ST18: variants seen among roughly 807,000 people sequenced by gnomAD.
ST18 encodes the protein suppression of tumorigenicity 18 protein.
ST18 carries 50 observed loss-of-function variants against 110.0 expected under a neutral mutation model. That is an observed-to-expected ratio of 0.45 (90% CI 0.36 to 0.58). The LOEUF is 0.58. ST18 is among the 20% of genes least tolerant of loss of function. The pLI is 0.00. For missense variants in ST18, 1,306 were observed against 1,280.1 expected, an observed-to-expected ratio of 1.02 and a Z score of -0.31; for synonymous variants, 461 against 452.4, an observed-to-expected ratio of 1.02 and a Z score of -0.24.
chr8:52,380,102 A>G (rs1833953117), intron 2 of ST18, among the ~76,000 whole-genome samples: 1 of 152,088 alleles, frequency 6.6e-6, no homozygotes, highest in African/African-American at 2.4e-5. Context: ...GTGATCCTGG[A>G]AGAGCTCCCA....
chr8:52,167,754 CAGCGG>C (rs2063495647), intron 10 of ST18, among the ~76,000 whole-genome samples: 2 of 152,118 alleles, frequency 1.3e-5, no homozygotes, highest in Middle Eastern at 3.2e-3. Context: ...GGCCACCGAG[CAGCGG>C]TCCAGAGAGC....
intron 2 of ST18, among the ~76,000 whole-genome samples, chr8:52,390,180 T>C (rs929121116): frequency 1.3e-5 from 2 of 152,162 alleles, no homozygotes; most frequent in Non-Finnish European, 2.9e-5. Flanking sequence ...TGAACTCTGA[T>C]GTGGAGTCAA....
intron 2 of ST18, among the ~76,000 whole-genome samples, chr8:52,390,481 A>G (rs1004320831): frequency 1.3e-5 from 2 of 152,256 alleles, no homozygotes; most frequent in African/African-American, 4.8e-5. Context: ...CAACAGAATC[A>G]GGAAATATTT....
intron 2 of ST18, among the ~76,000 whole-genome samples, chr8:52,310,922 G>T (rs1246154655): frequency 6.6e-6 from 1 of 152,182 alleles, no homozygotes; most frequent in African/African-American, 2.4e-5. Context: ...GGAAGCTGTG[G>T]CAGCAGTCAC....
At chr8:52,122,976 C>A (rs576029641) in intron 23 of ST18, among the ~76,000 whole-genome samples, 1 of 152,032 alleles carries the variant, frequency 6.6e-6, no homozygotes. Context: ...CTAGAAGGAG[C>A]TCCTAAATGC....
intron 2 of ST18, among the ~76,000 whole-genome samples, chr8:52,260,951 T>G (rs974337157): frequency 3.3e-5 from 5 of 152,162 alleles, no homozygotes; most frequent in African/African-American, 1.2e-4. Context: ...GTGTTTGAAA[T>G]AAGTGTCTTC....
At chr8:52,362,327 G>C (rs1826063357) in intron 2 of ST18, among the ~76,000 whole-genome samples, 1 of 152,166 alleles carries the variant, frequency 6.6e-6, no homozygotes, top group South Asian at 2.1e-4. Context: ...AATTTTGCCA[G>C]GAATCAAATC....
intron 7 of ST18, among the ~76,000 whole-genome samples, chr8:52,213,899 G>T (rs939398408): frequency 2.0e-5 from 3 of 152,164 alleles, no homozygotes; most frequent in East Asian, 1.9e-4. Flanking sequence ...TAATTTGAAA[G>T]TTTCCATGAA....
intron 8 of ST18, among the ~76,000 whole-genome samples, chr8:52,186,256 C>T (rs777777786): frequency 1.3e-5 from 2 of 152,142 alleles, no homozygotes; most frequent in Admixed American, 6.6e-5. Context: ...AATTTTAAAC[C>T]TAGGCAAAGT....
chr8:52,394,185 C>A (rs545209868), intron 2 of ST18, among the ~76,000 whole-genome samples: 45 of 152,278 alleles, frequency 3.0e-4, no homozygotes, highest in African/African-American at 1.0e-3. Context: ...AGGAGCCATC[C>A]CAAGTTGTCA....
intron 19 of ST18, among the ~76,000 whole-genome samples, chr8:52,136,155 G>C (rs2052167957): frequency 6.6e-6 from 1 of 152,152 alleles, no homozygotes; most frequent in South Asian, 2.1e-4. Context: ...GCAGGAATGA[G>C]CCCAAACTCT....
intron 8 of ST18, among the ~76,000 whole-genome samples, chr8:52,195,301 T>C (rs921918205): frequency 6.6e-6 from 1 of 152,214 alleles, no homozygotes; most frequent in Non-Finnish European, 1.5e-5. Flanking sequence ...TTATTACTAT[T>C]TTTGTTTGCT....
intron 2 of ST18, among the ~76,000 whole-genome samples, chr8:52,352,402 T>C (rs1820778200): frequency 6.6e-6 from 1 of 152,198 alleles, no homozygotes; most frequent in Non-Finnish European, 1.5e-5. Flanking sequence ...GTGCCTTTTT[T>C]GAAACTAGCT....
intron 2 of ST18, among the ~76,000 whole-genome samples, chr8:52,239,617 C>CA (rs1176283544): frequency 6.6e-6 from 1 of 151,704 alleles, no homozygotes; most frequent in Non-Finnish European, 1.5e-5. Context: ...ACCAAAAAAA[C>CA]AAAAAGCCAC....
At chr8:52,212,958 G>A (rs568016406) in intron 7 of ST18, among the ~76,000 whole-genome samples, 61 of 152,282 alleles carry the variant, frequency 4.0e-4, no homozygotes, top group African/African-American at 1.4e-3. Context: ...CTAGCATGCT[G>A]ATATTTATGG....
intron 2 of ST18, among the ~76,000 whole-genome samples, chr8:52,349,879 G>A (rs1369495276): frequency 6.6e-6 from 1 of 152,134 alleles, no homozygotes; most frequent in Admixed American, 6.6e-5. Context: ...TAGGGGGTCA[G>A]GGGGAAGGAG....
chr8:52,192,136 C>T lies in ST18; in HGVS notation c.87-11824G>A, dbSNP rs146298654. 2.9e-4 allele frequency among the ~76,000 whole-genome samples: 44 copies of T among 152,274 alleles called. No individual in the cohort carries two copies. The East Asian group carries it at 8.3e-3, about 29-fold the overall frequency. On this transcript the variant is annotated intron_variant, in intron 8 of 25. Transcript: ENST00000689386. ...TTGAACAGGCCCAACAGCATAGGCT[C>T]TCACTAAGACTGATGTAGCTATGCC...
At chr8:52,192,728 T>C in intron 8 of ST18, among the ~76,000 whole-genome samples, 1 of 152,214 alleles carries the variant, frequency 6.6e-6, no homozygotes, top group East Asian at 1.9e-4. Context: ...TTCCAGTGAC[T>C]ACTTAAAGGA....
intron 10 of ST18, 33 bp downstream of exon 10, chr8:52,171,759 T>C: frequency 6.2e-7 from 1 of 1,600,602 alleles, no homozygotes; most frequent in Non-Finnish European, 8.5e-7. Flanking sequence ...AATGCACTTT[T>C]ATTCCTAAAA....
Sources: gnomAD v4.1 joint callset for allele counts (sites outside exome capture counted in the v4.1 genomes callset) on GRCh38, gnomAD v4.1.1 for gene constraint, MANE v1.5 for transcripts, NCBI Gene and HGNC (gene_info 2026-07-23, HGNC 2026-07-21) for gene names.